The following TEAD4 variants were observed in gnomAD, a reference collection of about 807,000 sequenced individuals.
The protein encoded by TEAD4 is transcriptional enhancer factor TEF-3.
In TEAD4, 36 loss-of-function variants were observed where a neutral mutation model predicts 52.4. The ratio of observed to expected loss-of-function variants is 0.69; its 90% CI spans 0.53 to 0.91. The LOEUF is 0.91. Ranked by LOEUF, TEAD4 falls within the 40% of genes least tolerant of loss-of-function variation. TEAD4 has a pLI of 0.00. For synonymous variants in TEAD4, 220 were observed against 231.0 expected (o/e 0.95, Z 0.43); for missense variants, 508 against 583.9 (o/e 0.87, Z 1.34).
intron 2 of TEAD4, among the ~76,000 whole-genome samples, chr12:2,970,042 A>G (rs1167910208): frequency 2.0e-5 from 3 of 152,226 alleles, no homozygotes; most frequent in African/African-American, 7.2e-5. Context: ...CCTGGGCAAC[A>G]TAGCGAGAAC....
At chr12:2,982,461 C>T (rs2098234854) in intron 2 of TEAD4, among the ~76,000 whole-genome samples, 1 of 152,204 alleles carries the variant, frequency 6.6e-6, no homozygotes, top group Admixed American at 6.5e-5. Context: ...TGCCATCTGT[C>T]CCCCGCCTCC....
intron 2 of TEAD4, among the ~76,000 whole-genome samples, chr12:2,965,486 T>TAAA (rs1370799281): frequency 6.8e-6 from 1 of 146,514 alleles, no homozygotes; most frequent in Non-Finnish European, 1.5e-5. Context: ...GTAGCCACCT[T>TAAA]AAAAAAAAAA....
chr12:3,016,508 G>A (rs1213202683), intron 5 of TEAD4, among the ~76,000 whole-genome samples: 1 of 151,834 alleles, frequency 6.6e-6, no homozygotes, highest in Non-Finnish European at 1.5e-5. Context: ...AGGAGGCTGA[G>A]ATGGGTGGAT....
intron 2 of TEAD4, among the ~76,000 whole-genome samples, chr12:2,977,913 G>A (rs11829858): frequency 0.04 from 6,135 of 152,254 alleles, 223 homozygotes; most frequent in Admixed American, 0.094. Context: ...TGGCCCTTCC[G>A]AAATCACAAT....
chr12:3,038,088 C>T lies in TEAD4; in HGVS notation c.1018C>T (p.Gln340Ter), dbSNP rs1307767017. Residue 340 changes from glutamine to a stop codon, truncating the protein, a stop_gained, in exon 11 of 13, where the codon CAG becomes TAG. Transcript: ENST00000359864. LOFTEE classifies it high-confidence loss of function. ...CACGAAGGTCTGCTCTTTCGGCAAG[C>T]AGGTGGTGGAGAAAGTTGAGGTAGG... 1 of 1,612,900 alleles carries T rather than the reference C, an allele frequency of 6.2e-7. No homozygotes were observed. Among genetic ancestry groups the T allele is most frequent in the Non-Finnish European group, 8.5e-7 (1 of 1,179,208 alleles).
intron 3 of TEAD4, among the ~76,000 whole-genome samples, chr12:2,998,727 T>C (rs1001496968): frequency 8.5e-5 from 13 of 152,130 alleles, no homozygotes; most frequent in African/African-American, 3.1e-4. Context: ...CAAGAGTTTC[T>C]CCCAGTCTCT....
intron 2 of TEAD4, among the ~76,000 whole-genome samples, chr12:2,991,933 C>T (rs1175014637): frequency 6.6e-6 from 1 of 151,788 alleles, no homozygotes; most frequent in African/African-American, 2.4e-5. Context: ...TGTCCTTAGG[C>T]CTCTGGGCCT....
At chr12:2,985,351 C>T (rs2098237316) in intron 2 of TEAD4, among the ~76,000 whole-genome samples, 1 of 151,748 alleles carries the variant, frequency 6.6e-6, no homozygotes, top group South Asian at 2.1e-4. Flanking sequence ...CGCCACTGTA[C>T]TCCAGCCTGG....
rs1331011958 is a variant in TEAD4 at position 3,017,531 on chromosome 12, G to A, written c.483+5G>A. ...GGCCGCCCAGCAGTCTCAGGGGTAA[G>A]TGGGCTGCCGAGAGCTGGAGGCCAG... On this transcript the variant is annotated splice_donor_5th_base_variant and intron_variant, in intron 6 of 12. Transcript: ENST00000359864. 1 of 1,611,402 alleles carries A rather than the reference G, an allele frequency of 6.2e-7. No homozygotes were observed. Among genetic ancestry groups the A allele is most frequent in the Admixed American group, 1.7e-5 (1 of 59,606 alleles).
intron 2 of TEAD4, among the ~76,000 whole-genome samples, chr12:2,983,053 C>T (rs71458026): frequency 6.6e-6 from 1 of 152,152 alleles, no homozygotes; most frequent in Non-Finnish European, 1.5e-5. Context: ...TCCTGACATC[C>T]TGGCCTCCAC....
chr12:2,962,474 T>TA (rs1242833924), intron 2 of TEAD4, among the ~76,000 whole-genome samples: 1 of 151,466 alleles, frequency 6.6e-6, no homozygotes, highest in Non-Finnish European at 1.5e-5. Flanking sequence ...TAGCTAGAAT[T>TA]ATAGGCGTGC....
At chr12:3,036,339 A>C (rs934274983) in intron 10 of TEAD4, among the ~76,000 whole-genome samples, 1 of 152,132 alleles carries the variant, frequency 6.6e-6, no homozygotes, top group African/African-American at 2.4e-5. Flanking sequence ...TTGTGGCTAC[A>C]TAATGTTTCT....
At chr12:2,997,805 CG>C (rs61027088) in intron 3 of TEAD4, among the ~76,000 whole-genome samples, 12,122 of 120,944 alleles carry the variant, frequency 0.1, 1,055 homozygotes, top group Admixed American at 0.23. Flanking sequence ...CTTGCTTTTT[CG>C]GGGGGGGGGT....
At chr12:3,005,497 G>A (rs1363260236) in intron 3 of TEAD4, among the ~76,000 whole-genome samples, 1 of 150,028 alleles carries the variant, frequency 6.7e-6, no homozygotes, top group East Asian at 1.9e-4. Context: ...TATTTATTTT[G>A]TTTGTTTATT....
At chr12:3,016,370 G>A (rs192463523) in intron 5 of TEAD4, among the ~76,000 whole-genome samples, 7 of 152,244 alleles carry the variant, frequency 4.6e-5, no homozygotes, top group East Asian at 3.9e-4. Context: ...TGACTCAGTC[G>A]AGCCATTTAG....
At chr12:2,965,167 GATTTTTT>G (rs1220533359) in intron 2 of TEAD4, among the ~76,000 whole-genome samples, 1 of 152,012 alleles carries the variant, frequency 6.6e-6, no homozygotes, top group Non-Finnish European at 1.5e-5. Flanking sequence ...GTTTTTTAAT[GATTTTTT>G]ATTTTTTGAG....
chr12:3,026,033 C>G (rs1056079946), intron 10 of TEAD4, among the ~76,000 whole-genome samples: 4 of 152,022 alleles, frequency 2.6e-5, no homozygotes, highest in African/African-American at 9.7e-5. Context: ...TTTACTTCCC[C>G]GTCTTGAGCC....
chr12:2,982,106 G>A (rs2098234486), intron 2 of TEAD4, among the ~76,000 whole-genome samples: 1 of 152,168 alleles, frequency 6.6e-6, no homozygotes, highest in African/African-American at 2.4e-5. Flanking sequence ...CTTTTCTCGG[G>A]GCAGGTCCTT....
At chr12:2,996,877 G>A (rs376840776) in intron 3 of TEAD4, among the ~76,000 whole-genome samples, 3 of 151,980 alleles carry the variant, frequency 2.0e-5, no homozygotes, top group African/African-American at 7.3e-5. Flanking sequence ...CACCACGCTC[G>A]GCTGATTTTA....
Sources: gnomAD v4.1 joint callset for allele counts (sites outside exome capture counted in the v4.1 genomes callset) on GRCh38, gnomAD v4.1.1 for gene constraint, MANE v1.5 for transcripts, NCBI Gene and HGNC (gene_info 2026-07-23, HGNC 2026-07-21) for gene names.